The following ACOT11 variants were observed in gnomAD, a reference collection of about 807,000 sequenced individuals.
ACOT11 encodes acyl-coenzyme A thioesterase 11.
In ACOT11, 69 loss-of-function variants were observed where a neutral mutation model predicts 77.5. The observed-to-expected ratio is 0.89, with a 90% CI of 0.73 to 1.09. The LOEUF is 1.09. Ranked by LOEUF, ACOT11 falls within the 50% of genes least tolerant of loss-of-function variation. The pLI is 0.00. For missense variants in ACOT11, 766 were observed against 813.7 expected (o/e 0.94, Z 0.71); for synonymous variants, 279 against 313.0 (o/e 0.89, Z 1.15).
chr1:54,610,399 G>T, downstream of ACOT11: 1 of 1,612,110 alleles, frequency 6.2e-7, no homozygotes, highest in South Asian at 1.1e-5. Flanking sequence ...CGGGGCTGAA[G>T]GGTAGACCTT....
chr1:54,593,561 A>C (rs559785365), intron 4 of ACOT11, among the ~76,000 whole-genome samples: 2 of 151,350 alleles, frequency 1.3e-5, no homozygotes, highest in Non-Finnish European at 2.9e-5. Context: ...CAGCCTCCCA[A>C]AATTCTAGAA....
intron 7 of ACOT11, chr1:54,597,721 T>G (rs1411491421): frequency 7.9e-6 from 3 of 378,316 alleles, no homozygotes; most frequent in Non-Finnish European, 1.4e-5. Context: ...CTAGTATCTA[T>G]GTTCGCTTCA....
chr1:54,588,028 A>G (rs1177958735), intron 3 of ACOT11, among the ~76,000 whole-genome samples: 2 of 152,062 alleles, frequency 1.3e-5, no homozygotes, highest in Admixed American at 6.6e-5. Flanking sequence ...GCTGGGCAAC[A>G]TGGCAAAACC....
chr1:54,577,756 C>T, intron 1 of ACOT11, among the ~76,000 whole-genome samples: 1 of 152,214 alleles, frequency 6.6e-6, no homozygotes, highest in Non-Finnish European at 1.5e-5. Context: ...CATGGCGACT[C>T]AACCATTTTA....
intron 15 of ACOT11, chr1:54,616,128 C>G: frequency 1.2e-6 from 2 of 1,614,078 alleles, no homozygotes; most frequent in South Asian, 2.2e-5. Context: ...TTGGCTGTGC[C>G]GAGCCCTTCT....
At position 54,607,899 on chromosome 1, in the gene ACOT11, C is replaced by T. The variant is rs746795228; in HGVS notation, c.1503-43C>T. 6.2e-7 allele frequency: 1 copy of T among 1,610,206 alleles called. No individual in the cohort carries two copies. Among genetic ancestry groups the T allele is most frequent in the South Asian group, 1.1e-5 (1 of 90,958 alleles). ...GGGCAGAACAGGCCCCCACTTTCTT[C>T]TGTGGCTGACCCCTGTCCCCTTGCT... On this transcript the variant is annotated intron_variant, in intron 14 of 15. Transcript: ENST00000343744. The surrounding 1 kb of genome is among the most constrained non-coding windows in gnomAD (Gnocchi z 4.5).
intron 15 of ACOT11, among the ~76,000 whole-genome samples, chr1:54,625,708 T>A (rs1479119231): frequency 1.4e-5 from 2 of 145,954 alleles, no homozygotes; most frequent in Non-Finnish European, 3.0e-5. Flanking sequence ...GAGGCTGAGG[T>A]GGGCGGATCA....
chr1:54,625,120 C>T (rs4926651), intron 15 of ACOT11, among the ~76,000 whole-genome samples: 42,875 of 151,458 alleles, frequency 0.28, 6,725 homozygotes, highest in Middle Eastern at 0.4. Flanking sequence ...TGTGTATATC[C>T]GGAAATGTGA....
chr1:54,623,977 G>C (rs1446932883), intron 15 of ACOT11, among the ~76,000 whole-genome samples: 1 of 152,202 alleles, frequency 6.6e-6, no homozygotes, highest in African/African-American at 2.4e-5. Context: ...TTTCATCTGA[G>C]ATTATGGTTA....
At chr1:54,604,475 A>T in intron 12 of ACOT11, 46 bp downstream of exon 12, 1 of 1,574,578 alleles carries the variant, frequency 6.4e-7, no homozygotes, top group Non-Finnish European at 8.7e-7. Context: ...TCTGAGCCAG[A>T]GGTGGCTAAT....
intron 15 of ACOT11, chr1:54,620,044 TC>T: frequency 1.2e-6 from 2 of 1,605,814 alleles, no homozygotes; most frequent in Non-Finnish European, 1.7e-6. Flanking sequence ...GCGTCTGTCC[TC>T]GCCCCAGCCC....
intron 1 of ACOT11, among the ~76,000 whole-genome samples, chr1:54,550,671 T>A (rs1190692377): frequency 2.1e-5 from 3 of 142,626 alleles, no homozygotes; most frequent in African/African-American, 5.3e-5. Flanking sequence ...AAAAAAAAAA[T>A]AGCTGGGCAT....
intron 15 of ACOT11, among the ~76,000 whole-genome samples, chr1:54,625,988 T>G (rs1354856763): frequency 7.2e-6 from 1 of 138,390 alleles, no homozygotes; most frequent in Non-Finnish European, 1.6e-5. Context: ...AAGGCCAGCA[T>G]GGTGGCTCAC....
At chr1:54,577,933 A>G (rs1222744691) in intron 1 of ACOT11, among the ~76,000 whole-genome samples, 2 of 152,242 alleles carry the variant, frequency 1.3e-5, no homozygotes, top group East Asian at 3.9e-4. Flanking sequence ...AGCCCTGTGT[A>G]CTGGCTTTTC....
chr1:54,610,619 T>C, downstream of ACOT11: 2 of 1,569,606 alleles, frequency 1.3e-6, no homozygotes, highest in Non-Finnish European at 1.7e-6. Flanking sequence ...ACCTGGTTGC[T>C]AGGGTCCCAT....
chr1:54,585,958 G>A, intron 3 of ACOT11, 54 bp downstream of exon 3: 5 of 1,583,152 alleles, frequency 3.2e-6, no homozygotes, highest in Non-Finnish European at 4.3e-6. Context: ...ATCAGCCTGG[G>A]GCCTGTCCTC....
At chr1:54,552,349 G>A (rs1304810677) in intron 1 of ACOT11, among the ~76,000 whole-genome samples, 1 of 152,180 alleles carries the variant, frequency 6.6e-6, no homozygotes, top group Non-Finnish European at 1.5e-5. Context: ...GACCACAGGT[G>A]CTCAGAAGCA....
intron 1 of ACOT11, among the ~76,000 whole-genome samples, chr1:54,573,604 A>G (rs1446731668): frequency 2.0e-5 from 3 of 152,220 alleles, no homozygotes; most frequent in Admixed American, 2.0e-4. Context: ...ATGGTGGCAC[A>G]CACCTGTAAT....
chr1:54,548,898 G>A (rs936940598), intron 1 of ACOT11, among the ~76,000 whole-genome samples: 4 of 152,114 alleles, frequency 2.6e-5, no homozygotes, highest in African/African-American at 9.7e-5. Flanking sequence ...TTTTCCCTGC[G>A]CTTTGGAGCT....
Sources: allele counts gnomAD v4.1 joint callset (sites outside exome capture counted in the v4.1 genomes callset), GRCh38; gene constraint gnomAD v4.1.1; non-coding constraint Gnocchi (gnomAD v3.1); transcripts MANE v1.5; gene names NCBI Gene and HGNC (gene_info 2026-07-23, HGNC 2026-07-21).